The following KDM4B variants were observed in gnomAD, a reference collection of about 807,000 sequenced individuals.
The protein encoded by KDM4B is lysine-specific demethylase 4B.
In KDM4B, 32 loss-of-function variants were observed where a neutral mutation model predicts 125.2. The ratio of observed to expected loss-of-function variants is 0.26; its 90% CI spans 0.19 to 0.34. The LOEUF (loss-of-function observed/expected upper bound fraction) is 0.34. KDM4B is among the 10% of genes least tolerant of loss of function. The probability of loss-of-function intolerance (pLI) is 1.00; values close to 1 mark genes in which losing one functional copy is unlikely to be tolerated. For missense variants in KDM4B, 1,190 were observed against 1,577.7 expected, an observed-to-expected ratio of 0.75 and a Z score of 4.16; for synonymous variants, 721 against 677.9, an observed-to-expected ratio of 1.06 and a Z score of -0.99.
rs1421172858 is a variant in KDM4B at position 5,115,460 on chromosome 19, A to G, written c.1116-4193A>G. Among the ~76,000 whole-genome samples, 1 of 152,144 alleles carries G rather than the reference A, an allele frequency of 6.6e-6. No individual in the cohort carries two copies. Among genetic ancestry groups the G allele is most frequent in the Non-Finnish European group, 1.5e-5 (1 of 68,012 alleles). ...GAGAACAAAGGGGCCCAGTGGAGCA[A>G]AGCCACATATGCTGATACTGGGGCT... On this transcript the variant is annotated intron_variant, in intron 10 of 22. Coordinates refer to ENST00000159111, the MANE Select transcript of KDM4B (RefSeq NM_015015.3). The surrounding 1 kb of genome is among the most constrained non-coding windows in gnomAD (Gnocchi z 4.2).
intron 9 of KDM4B, among the ~76,000 whole-genome samples, chr19:5,088,642 G>A (rs949914285): frequency 4.7e-5 from 7 of 150,248 alleles, no homozygotes; most frequent in African/African-American, 1.7e-4. Flanking sequence ...TGAGGCTGCA[G>A]GGGACAGGCC....
At chr19:5,083,774 G>C (rs969494093) in intron 9 of KDM4B, among the ~76,000 whole-genome samples, 4 of 152,188 alleles carry the variant, frequency 2.6e-5, no homozygotes, top group Non-Finnish European at 4.4e-5. Flanking sequence ...CAGCGGGCTG[G>C]CCAGGGTGAG....
At chr19:5,109,753 G>A (rs2039104211) in intron 9 of KDM4B, among the ~76,000 whole-genome samples, 1 of 152,200 alleles carries the variant, frequency 6.6e-6, no homozygotes, top group Non-Finnish European at 1.5e-5. Flanking sequence ...GGTGAGGCGT[G>A]CGGGAGCCTG....
intron 1 of KDM4B, among the ~76,000 whole-genome samples, chr19:4,979,789 A>G (rs986337580): frequency 9.9e-5 from 15 of 152,182 alleles, no homozygotes; most frequent in African/African-American, 3.1e-4. Context: ...TTCACATACT[A>G]TGAAATTCAT....
At chr19:5,068,130 G>A (rs1046960873) in intron 6 of KDM4B, among the ~76,000 whole-genome samples, 21 of 147,508 alleles carry the variant, frequency 1.4e-4, no homozygotes, top group African/African-American at 4.3e-4. Flanking sequence ...AAGGCCAAAT[G>A]TCAGGGATGC....
chr19:5,129,092 TCTTGAGAAACAGGTG>T (rs1780071494), intron 11 of KDM4B, among the ~76,000 whole-genome samples: 1 of 152,134 alleles, frequency 6.6e-6, no homozygotes, highest in African/African-American at 2.4e-5. Context: ...CGCCTGTCCT[TCTTGAGAAACAGGTG>T]GGCGTGTGCC....
chr19:5,002,831 G>A (rs1041242547), intron 1 of KDM4B, among the ~76,000 whole-genome samples: 11 of 152,090 alleles, frequency 7.2e-5, no homozygotes, highest in Admixed American at 7.2e-4. Flanking sequence ...TATGCCTGTG[G>A]TCCCACCTAC....
In KDM4B at chr19:5,057,609, A is replaced by G. The variant is rs2037451995; in HGVS notation, c.626+9940A>G. ...TTCCTCATGCAGCAGCTTTGCCTGG[A>G]GTAACCCTTTGACTTGTGCCCCTGG... On this transcript the variant is annotated intron_variant, in intron 6 of 22. Coordinates refer to ENST00000159111, the MANE Select transcript of KDM4B (RefSeq NM_015015.3). Among the ~76,000 whole-genome samples the G allele has an allele frequency of 2.0e-5, 3 of 152,192 alleles. No homozygotes were observed. In the South Asian group the frequency reaches 6.2e-4, roughly 32 times the overall value.
At chr19:5,003,926 C>T (rs1312149557) in intron 1 of KDM4B, among the ~76,000 whole-genome samples, 3 of 152,176 alleles carry the variant, frequency 2.0e-5, no homozygotes, top group Non-Finnish European at 4.4e-5. Context: ...GCAGGTCTGC[C>T]CCGTGGGTTG....
intron 1 of KDM4B, among the ~76,000 whole-genome samples, chr19:5,013,705 G>A (rs1297030589): frequency 6.6e-6 from 1 of 152,120 alleles, no homozygotes; most frequent in Non-Finnish European, 1.5e-5. Context: ...AGGACATTCC[G>A]CCTCCCGGAT....
chr19:5,151,216 GC>G, intron 22 of KDM4B, 118 bp from the exon 23 acceptor site: 1 of 873,656 alleles, frequency 1.1e-6, no homozygotes, highest in Non-Finnish European at 1.6e-6. Context: ...CTGCTGAGCA[GC>G]CCCCACAGCA....
chr19:5,070,821 C>T (rs541980017), intron 6 of KDM4B, 189 bp from the exon 7 acceptor site: 86 of 536,130 alleles, frequency 1.6e-4, no homozygotes, highest in African/African-American at 1.3e-3. Flanking sequence ...TGCCCCACCT[C>T]GCTTCCTTAC....
At chr19:5,123,136 A>G (rs2039391803) in intron 11 of KDM4B, among the ~76,000 whole-genome samples, 2 of 152,334 alleles carry the variant, frequency 1.3e-5, no homozygotes, top group African/African-American at 4.8e-5. Context: ...TCTGCCCTGG[A>G]GGCATGAGCG....
At chr19:4,995,888 C>T (rs1568214139) in intron 1 of KDM4B, among the ~76,000 whole-genome samples, 1 of 152,198 alleles carries the variant, frequency 6.6e-6, no homozygotes, top group Non-Finnish European at 1.5e-5. Context: ...CGCGGTGTCA[C>T]GCGTAGATCT....
chr19:5,126,872 T>C (rs1003684273), intron 11 of KDM4B, among the ~76,000 whole-genome samples: 3 of 152,174 alleles, frequency 2.0e-5, no homozygotes, highest in African/African-American at 7.2e-5. Flanking sequence ...AGGGGCCCCA[T>C]AAGCCAGGCC....
At position 5,143,973 on chromosome 19, in the gene KDM4B, G is replaced by C. The variant is rs1479735049; in HGVS notation, c.2557G>C (p.Val853Leu). 7 of 1,580,862 alleles carry C rather than the reference G, an allele frequency of 4.4e-6. No homozygotes were observed. The highest frequency in any genetic ancestry group is 6.1e-6 in the Non-Finnish European group (7 of 1,154,912). ...IPEQRWKLKCVYCRKRMKKVS... is the reference protein window; with the variant it reads ...IPEQRWKLKCLYCRKRMKKVS... ...CCTGTGTCCCCATCCCCAGAAATGC[G>C]TGTACTGCCGGAAGCGGATGAAGAA... Residue 853 changes from valine to leucine, a missense_variant, in exon 19 of 23, where the codon GTG becomes CTG. Around this residue, in one of 7 missense-constraint regions of KDM4B, gnomAD observed 298 missense variants for 439.7 expected, o/e 0.68. Transcript: ENST00000159111.
Position 5,142,249 on chromosome 19 carries a change from C to T in KDM4B, c.2551-1718C>T, listed in dbSNP as rs552390613. Among the ~76,000 whole-genome samples, 6 of 152,228 alleles carry T rather than the reference C, an allele frequency of 3.9e-5. No individual in the cohort carries two copies. Among genetic ancestry groups the T allele is most frequent in the African/African-American group, 1.4e-4 (6 of 41,566 alleles). On this transcript the variant is annotated intron_variant, in intron 18 of 22. Coordinates refer to ENST00000159111, the MANE Select transcript of KDM4B (RefSeq NM_015015.3). The surrounding 1 kb of genome is among the most constrained non-coding windows in gnomAD (Gnocchi z 5.4). Reference sequence around the variant, plus strand: ...CCACGGGCCGTAGACCCTGACTCCCCGGCACACACTGGCCTGGGCCAGGCC... The same window carrying T: ...CCACGGGCCGTAGACCCTGACTCCCTGGCACACACTGGCCTGGGCCAGGCC...
intron 2 of KDM4B, among the ~76,000 whole-genome samples, chr19:5,029,001 T>C (rs263068): frequency 0.37 from 56,903 of 152,060 alleles, 11,524 homozygotes; most frequent in East Asian, 0.71. Context: ...ACCTCTGCCT[T>C]CCCAGCTCAA....
chr19:5,032,968 A>C lies in KDM4B; in HGVS notation c.78A>C (p.Lys26Asn). ...MTFRPTMEEF[K>N]DFNKYVAYIE... Reference sequence around the variant, plus strand: ...TTCGCCCAACCATGGAAGAATTTAAAGACTTCAACAAATACGTGGCCTACA... The same window carrying C: ...TTCGCCCAACCATGGAAGAATTTAACGACTTCAACAAATACGTGGCCTACA... Residue 26 changes from lysine to asparagine, a missense_variant, in exon 3 of 23, where the codon AAA (lysine) becomes AAC (asparagine). By Grantham distance (94) the Lys-to-Asn change is moderately conservative. Coordinates refer to ENST00000159111, the MANE Select transcript of KDM4B (RefSeq NM_015015.3). 1 of 1,614,178 alleles carries C rather than the reference A, an allele frequency of 6.2e-7. No homozygotes were observed.
Sources: gnomAD v4.1 joint callset for allele counts (sites outside exome capture counted in the v4.1 genomes callset) on GRCh38, gnomAD v4.1.1 for gene constraint, gnomAD v4.1.1 regional missense constraint, Gnocchi (gnomAD v3.1) non-coding constraint, MANE v1.5 for transcripts, NCBI Gene and HGNC (gene_info 2026-07-23, HGNC 2026-07-21) for gene names.